The following ASIC2 variants were observed in gnomAD, a reference collection of about 807,000 sequenced individuals.
ASIC2 encodes the protein acid-sensing ion channel 2.
In ASIC2, 25 loss-of-function variants were observed where a neutral mutation model predicts 57.3. The observed-to-expected ratio is 0.44, with a 90% CI of 0.32 to 0.61. The LOEUF (loss-of-function observed/expected upper bound fraction) is 0.61. ASIC2 is among the 20% of genes least tolerant of loss of function. The pLI, the probability that ASIC2 is intolerant of heterozygous loss-of-function variation, is 0.06. For missense variants in ASIC2, 641 were observed against 738.1 expected, an observed-to-expected ratio of 0.87 and a Z score of 1.52; for synonymous variants, 319 against 307.5, an observed-to-expected ratio of 1.04 and a Z score of -0.39.
At chr17:34,036,215 C>G (rs1907869786) in intron 1 of ASIC2, among the ~76,000 whole-genome samples, 1 of 151,928 alleles carries the variant, frequency 6.6e-6, no homozygotes, top group African/African-American at 2.4e-5. Flanking sequence ...AGTTCATGTC[C>G]TTTGTAGGGA....
At chr17:33,597,256 G>C (rs929388667) in intron 1 of ASIC2, among the ~76,000 whole-genome samples, 4 of 152,204 alleles carry the variant, frequency 2.6e-5, no homozygotes, top group African/African-American at 9.6e-5. Flanking sequence ...ATGCCCACAG[G>C]GCCCTGCAGG....
At chr17:34,037,864 T>C in intron 1 of ASIC2, 2 of 1,613,952 alleles carry the variant, frequency 1.2e-6, no homozygotes, top group Admixed American at 1.7e-5. Context: ...TCGTATTCTC[T>C]TGTAGGATGT....
chr17:33,330,140 T>G (rs320630), intron 1 of ASIC2, among the ~76,000 whole-genome samples: 109,164 of 152,088 alleles, frequency 0.72, 39,409 homozygotes, highest in East Asian at 0.97. Flanking sequence ...GATCTCTAAA[T>G]TTGTGAGCAT....
intron 1 of ASIC2, among the ~76,000 whole-genome samples, chr17:33,709,932 T>A (rs12940538): frequency 0.35 from 53,114 of 152,126 alleles, 10,892 homozygotes; most frequent in African/African-American, 0.58. Flanking sequence ...TGGGCAACCC[T>A]TATTATCACG....
chr17:33,614,023 T>C (rs1905514377), intron 1 of ASIC2, among the ~76,000 whole-genome samples: 2 of 152,228 alleles, frequency 1.3e-5, no homozygotes, highest in African/African-American at 4.8e-5. Context: ...TTGATAAATA[T>C]TGCCAAATTG....
chr17:33,731,086 G>A (rs1357400800), intron 1 of ASIC2, among the ~76,000 whole-genome samples: 1 of 152,188 alleles, frequency 6.6e-6, no homozygotes, highest in Non-Finnish European at 1.5e-5. Context: ...ATGAGTGAAT[G>A]GATGAGGGTA....
At chr17:33,560,255 A>G (rs1028913983) in intron 1 of ASIC2, among the ~76,000 whole-genome samples, 7 of 152,210 alleles carry the variant, frequency 4.6e-5, no homozygotes, top group African/African-American at 1.7e-4. Context: ...AAAGGAAGAG[A>G]AAACAGATCG....
At chr17:33,259,751 C>T (rs995307355) in intron 1 of ASIC2, among the ~76,000 whole-genome samples, 3 of 152,154 alleles carry the variant, frequency 2.0e-5, no homozygotes, top group African/African-American at 7.2e-5. Context: ...CGCAATCCTC[C>T]TTCTGGTCTC....
chr17:33,492,165 G>A (rs546672374), intron 1 of ASIC2, among the ~76,000 whole-genome samples: 2 of 152,204 alleles, frequency 1.3e-5, no homozygotes, highest in Non-Finnish European at 2.9e-5. Context: ...TTAAGTGTGC[G>A]TTATGCAGCA....
At chr17:33,855,108 A>G (rs538629046) in intron 1 of ASIC2, among the ~76,000 whole-genome samples, 2 of 152,154 alleles carry the variant, frequency 1.3e-5, no homozygotes, top group Non-Finnish European at 2.9e-5. Context: ...GAGGTTACCA[A>G]TTGTGCAGGC....
At chr17:33,621,724 G>A (rs1905806852) in intron 1 of ASIC2, among the ~76,000 whole-genome samples, 1 of 152,074 alleles carries the variant, frequency 6.6e-6, no homozygotes, top group South Asian at 2.1e-4. Flanking sequence ...CAGTTCCTGG[G>A]GGCCTCTGTC....
intron 1 of ASIC2, among the ~76,000 whole-genome samples, chr17:33,593,005 C>A (rs996351742): frequency 6.6e-6 from 1 of 152,118 alleles, no homozygotes; most frequent in African/African-American, 2.4e-5. Flanking sequence ...GTTCATAATC[C>A]CCTTTCCCCA....
intron 1 of ASIC2, among the ~76,000 whole-genome samples, chr17:33,138,620 C>A (rs1406520586): frequency 6.6e-6 from 1 of 152,168 alleles, no homozygotes; most frequent in African/African-American, 2.4e-5. Context: ...CCTGCCCCAC[C>A]TTCCTGCCAT....
At chr17:33,725,056 G>T (rs1351397507) in intron 1 of ASIC2, among the ~76,000 whole-genome samples, 2 of 152,210 alleles carry the variant, frequency 1.3e-5, no homozygotes, top group Non-Finnish European at 2.9e-5. Context: ...GCCCCTTCTG[G>T]ATCCTCGCTC....
At chr17:33,058,482 A>AC (rs2092007076) in intron 3 of ASIC2, among the ~76,000 whole-genome samples, 1 of 151,778 alleles carries the variant, frequency 6.6e-6, no homozygotes, top group African/African-American at 2.4e-5. Context: ...AAAAAAAAAA[A>AC]AAAAAAAAAC....
chr17:33,803,338 T>C (rs1338479378), intron 1 of ASIC2, among the ~76,000 whole-genome samples: 1 of 151,742 alleles, frequency 6.6e-6, no homozygotes, highest in Admixed American at 6.6e-5. Flanking sequence ...ACTGTGTATG[T>C]GTATATGTGT....
intron 1 of ASIC2, among the ~76,000 whole-genome samples, chr17:33,524,619 G>A (rs1360719240): frequency 2.0e-5 from 3 of 152,180 alleles, no homozygotes; most frequent in Non-Finnish European, 4.4e-5. Flanking sequence ...AGGATGGTGG[G>A]GAGGTGCTGG....
At chr17:33,146,763 C>T (rs889797375) in intron 1 of ASIC2, among the ~76,000 whole-genome samples, 3 of 152,168 alleles carry the variant, frequency 2.0e-5, no homozygotes, top group Non-Finnish European at 2.9e-5. Context: ...AAAGAACAGC[C>T]GAGGCCTAGG....
rs559775398 is a variant in ASIC2, at chr17:33,922,049, T to C, written c.555+233929A>G. Among the ~76,000 whole-genome samples, 53 of 152,278 alleles carry C rather than the reference T, an allele frequency of 3.5e-4. No homozygotes were observed. The South Asian group carries it at 0.01, about 29-fold the overall frequency. On this transcript the variant is annotated intron_variant, in intron 1 of 9. Coordinates refer to the ASIC2 transcript ENST00000359872. ...TCATTGGTCCAGGGCCACTTTGCAC[T>C]GTCAAAGTCTCTCATCTCACAGGTG...
Sources: allele counts gnomAD v4.1 joint callset (sites outside exome capture counted in the v4.1 genomes callset), GRCh38; gene constraint gnomAD v4.1.1; transcripts MANE v1.5; gene names NCBI Gene and HGNC (gene_info 2026-07-23, HGNC 2026-07-21).